C12orf54: variants seen among roughly 807,000 people sequenced by gnomAD.
C12orf54 encodes the protein uncharacterized protein C12orf54.
A neutral mutation model predicts 26.4 loss-of-function variants in C12orf54; 24 were observed. The observed-to-expected ratio is 0.91, with a 90% CI of 0.66 to 1.28. The LOEUF is 1.28. Among genes scored for constraint, C12orf54 ranks in the 50% most tolerant of loss-of-function variants. The probability of loss-of-function intolerance (pLI) is 0.00; values close to 1 mark genes in which losing one functional copy is unlikely to be tolerated. For missense variants in C12orf54, 154 were observed against 150.9 expected, an observed-to-expected ratio of 1.02 and a Z score of -0.11; for synonymous variants, 54 against 47.0, an observed-to-expected ratio of 1.15 and a Z score of -0.61.
chr12:48,445,428 T>G, the C12orf54 span, among the ~76,000 whole-genome samples: 15 of 152,322 alleles, frequency 9.8e-5, no homozygotes, highest in African/African-American at 3.4e-4. Context: ...TCAGAGTATA[T>G]AATTATAGGG....
chr12:48,474,758 C>G, the C12orf54 span, among the ~76,000 whole-genome samples: 1 of 152,258 alleles, frequency 6.6e-6, no homozygotes, highest in Non-Finnish European at 1.5e-5. Flanking sequence ...GAAGCACGAA[C>G]TGGGTGGAGC....
chr12:48,468,610 A>T, the C12orf54 span, among the ~76,000 whole-genome samples: 1 of 152,198 alleles, frequency 6.6e-6, no homozygotes, highest in Non-Finnish European at 1.5e-5. Flanking sequence ...TAAAGCTGTT[A>T]TGGTTATATT....
At chr12:48,467,961 G>A in the C12orf54 span, among the ~76,000 whole-genome samples, 14 of 152,040 alleles carry the variant, frequency 9.2e-5, no homozygotes, top group South Asian at 2.1e-4. Flanking sequence ...ATAATAATGC[G>A]ATGGCTTCCC....
At chr12:48,472,235 C>T in the C12orf54 span, among the ~76,000 whole-genome samples, 1 of 152,098 alleles carries the variant, frequency 6.6e-6, no homozygotes. Context: ...GCTCTATTAA[C>T]CTTTTGGCAG....
chr12:48,489,229 T>C (rs2705127), intron 5 of C12orf54: 203,806 of 620,518 alleles, frequency 0.33, 34,825 homozygotes, highest in African/African-American at 0.36. Flanking sequence ...TATGTGGTTG[T>C]ATGAAATGCT....
chr12:48,476,526 G>C, the C12orf54 span, among the ~76,000 whole-genome samples: 3 of 152,230 alleles, frequency 2.0e-5, no homozygotes, highest in African/African-American at 7.2e-5. Context: ...ACACACATAG[G>C]CTCAAAATAA....
At chr12:48,445,063 C>A in the C12orf54 span, among the ~76,000 whole-genome samples, 1 of 151,908 alleles carries the variant, frequency 6.6e-6, no homozygotes. Flanking sequence ...CCCAGCTACT[C>A]GGGAGGCTGA....
chr12:48,451,922 T>G, the C12orf54 span, among the ~76,000 whole-genome samples: 12 of 152,200 alleles, frequency 7.9e-5, no homozygotes, highest in Non-Finnish European at 4.4e-5. Flanking sequence ...AAATAATTTA[T>G]AGATTCAATG....
At chr12:48,482,139 T>C (rs1954204985), upstream of C12orf54, among the ~76,000 whole-genome samples, 1 of 152,222 alleles carries the variant, frequency 6.6e-6, no homozygotes, top group African/African-American at 2.4e-5. Context: ...TCAAAGACTT[T>C]GGGAATTCAC....
At chr12:48,473,361 AG>A in the C12orf54 span, 1 of 1,105,992 alleles carries the variant, frequency 9.0e-7, no homozygotes, top group Non-Finnish European at 1.3e-6. Context: ...TGAAGAAGAA[AG>A]GGGTCAGAAG....
the C12orf54 span, among the ~76,000 whole-genome samples, chr12:48,425,381 T>C: frequency 6.6e-6 from 1 of 152,084 alleles, no homozygotes; most frequent in African/African-American, 2.4e-5. Context: ...TCCAGCTCCA[T>C]CCACGTTCCC....
chr12:48,489,398 C>A (rs1209374433), intron 5 of C12orf54: 11 of 283,348 alleles, frequency 3.9e-5, no homozygotes, highest in Non-Finnish European at 7.7e-5. Context: ...CTCGGCTCTT[C>A]TTCTATAGAT....
At chr12:48,493,542 C>A (rs2137097958) in intron 7 of C12orf54, among the ~76,000 whole-genome samples, 1 of 149,292 alleles carries the variant, frequency 6.7e-6, no homozygotes, top group Non-Finnish European at 1.5e-5. Flanking sequence ...ACAACCTGAG[C>A]CTGGGGAGGT....
At chr12:48,493,584 T>C (rs1937839229) in intron 7 of C12orf54, among the ~76,000 whole-genome samples, 1 of 140,424 alleles carries the variant, frequency 7.1e-6, no homozygotes, top group African/African-American at 2.7e-5. Context: ...TCATGCCACT[T>C]CCCTCCATCC....
chr12:48,488,554 C>A (rs1283117234), intron 4 of C12orf54: 2 of 383,668 alleles, frequency 5.2e-6, no homozygotes, highest in African/African-American at 2.1e-5. Flanking sequence ...ATTTTACACA[C>A]CCTCCAACAA....
At chr12:48,486,142 G>T (rs770891213) in intron 2 of C12orf54, 36 bp from the exon 3 acceptor site, 13 of 1,581,974 alleles carry the variant, frequency 8.2e-6, no homozygotes, top group Non-Finnish European at 1.0e-5. Flanking sequence ...CACATTCTGT[G>T]CTCCTCATCA....
the C12orf54 span, among the ~76,000 whole-genome samples, chr12:48,471,007 T>G: frequency 2.0e-5 from 3 of 152,236 alleles, no homozygotes; most frequent in South Asian, 6.2e-4. Context: ...AAATGTACAA[T>G]TAAGTTATTT....
chr12:48,457,812 G>C, the C12orf54 span, among the ~76,000 whole-genome samples: 1 of 152,146 alleles, frequency 6.6e-6, no homozygotes, highest in Non-Finnish European at 1.5e-5. Flanking sequence ...TGTCCTGCGG[G>C]AGAAGCAGCT....
intron 3 of C12orf54, chr12:48,486,465 T>C (rs1407233284): frequency 1.6e-6 from 1 of 627,244 alleles, no homozygotes; most frequent in Non-Finnish European, 2.8e-6. Flanking sequence ...AGTCTGTTTG[T>C]ACCTGTCATG....
Sources: allele counts gnomAD v4.1 joint callset (sites outside exome capture counted in the v4.1 genomes callset), GRCh38; gene constraint gnomAD v4.1.1; transcripts MANE v1.5; gene names NCBI Gene and HGNC (gene_info 2026-07-23, HGNC 2026-07-21).